Variants in OPA1 observed in about 807,000 individuals in gnomAD.
The protein encoded by OPA1 is dynamin-like GTPase OPA1, mitochondrial.
A neutral mutation model predicts 152.9 loss-of-function variants in OPA1; 59 were observed. The observed-to-expected ratio is 0.39, with a 90% confidence interval of 0.31 to 0.48. The LOEUF (loss-of-function observed/expected upper bound fraction) is 0.48. Among genes scored for constraint, OPA1 ranks in the 20% least tolerant of loss-of-function variants. OPA1 has a pLI of 0.96. For missense variants in OPA1, 1,008 were observed against 1,216.8 expected (o/e 0.83, Z 2.55); for synonymous variants, 400 against 389.9 (o/e 1.03, Z -0.31).
intron 25 of OPA1, among the ~76,000 whole-genome samples, chr3:193,661,408 C>T (rs148111336): frequency 6.6e-6 from 1 of 152,256 alleles, no homozygotes; most frequent in East Asian, 1.9e-4. Context: ...TCAAGCTCTC[C>T]TTCTCTATCC....
chr3:193,654,824 T>C (rs1295083680), intron 21 of OPA1, 38 bp from the exon 22 acceptor site: 5 of 1,596,316 alleles, frequency 3.1e-6, no homozygotes, highest in Admixed American at 3.4e-5. Context: ...AACAATATTA[T>C]ATTTAGATTT....
intron 6 of OPA1, among the ~76,000 whole-genome samples, chr3:193,625,218 T>C (rs1730882231): frequency 1.3e-5 from 2 of 152,178 alleles, no homozygotes; most frequent in East Asian, 1.9e-4. Flanking sequence ...TGTATCAATA[T>C]ACTATTTTAT....
At position 193,647,088 on chromosome 3, in the gene OPA1, A is replaced by G. The variant is rs1489038208; in HGVS notation, c.1778A>G (p.Gln593Arg). 6.2e-7 allele frequency: 1 copy of G among 1,612,598 alleles called. No individual in the cohort carries two copies. The highest frequency in any genetic ancestry group is 1.7e-5 in the Admixed American group (1 of 60,016). ...AGGACAAGCATGCTAAAGGCACACC[A>G]AGTGACTACAAGAAATTTAAGCCTT... Reference protein sequence around the residue: ...LLKTSMLKAHQVTTRNLSLAV... With the variant: ...LLKTSMLKAHRVTTRNLSLAV... The change falls in exon 19 of 31, where the codon CAA becomes CGA. Residue 593 changes from glutamine to arginine, a missense_variant. By Grantham distance (43) the Gln-to-Arg change is conservative. Transcript: ENST00000361510.
rs148834015 is a variant in OPA1 at position 193,645,746 on chromosome 3, T to C, written c.1700T>C (p.Ile567Thr). 71 of 1,613,718 alleles carry C rather than the reference T, an allele frequency of 4.4e-5. No homozygotes were observed. The African/African-American group carries it at 4.9e-4, about 11-fold the overall frequency. The change falls in exon 18 of 31, where the codon ATT (isoleucine) becomes ACT (threonine). Residue 567 changes from isoleucine to threonine, a missense_variant. By Grantham distance (89) the Ile-to-Thr change is moderately conservative (BLOSUM62 -1). Transcript: ENST00000361510. The stretch of plus-strand genomic sequence containing the variant: ...TCCCCAGGGAACAGCTCTGAAAGCA[T>C]TGAAGCTATAAGAGAATATGAAGAA... Reference protein sequence around the residue: ...VTGKGNSSESIEAIREYEEEF... With the variant: ...VTGKGNSSESTEAIREYEEEF...
chr3:193,614,812 A>G lies in OPA1; in HGVS notation c.122A>G (p.Tyr41Cys). Residue 41 changes from tyrosine to cysteine, a missense_variant, in exon 2 of 31, where the codon TAT (tyrosine) becomes TGT (cysteine). By Grantham distance (194) the Tyr-to-Cys change is radical. Transcript: ENST00000361510. ...QKLHLVSRSI[Y>C]HSHHPTLKLQ... The stretch of plus-strand genomic sequence containing the variant: ...CTACATCTGGTTTCACGAAGCATTT[A>G]TCATTCACATCATCCTACCTTAAAG... 6.2e-7 allele frequency: 1 copy of G among 1,606,630 alleles called. No individual in the cohort carries two copies. The highest frequency in any genetic ancestry group is 8.5e-7 in the Non-Finnish European group (1 of 1,173,300).
intron 30 of OPA1, among the ~76,000 whole-genome samples, chr3:193,693,254 A>G (rs962852808): frequency 1.3e-5 from 2 of 152,246 alleles, no homozygotes; most frequent in Non-Finnish European, 2.9e-5. Context: ...ATGGTACATC[A>G]TTCGGAACAG....
At chr3:193,666,524 A>G (rs1313777715) in intron 28 of OPA1, 135 bp downstream of exon 28, 5 of 762,708 alleles carry the variant, frequency 6.6e-6, no homozygotes, top group Non-Finnish European at 1.1e-5. Flanking sequence ...GTGGTAGCTC[A>G]TGCCTGTAAT....
intron 6 of OPA1, among the ~76,000 whole-genome samples, chr3:193,621,424 A>C (rs1320036464): frequency 6.6e-6 from 1 of 152,204 alleles, no homozygotes; most frequent in Non-Finnish European, 1.5e-5. Flanking sequence ...CTGGAGTTTT[A>C]GGTGTCCTGG....
At chr3:193,615,463 T>G (rs1468354921) in intron 2 of OPA1, among the ~76,000 whole-genome samples, 1 of 152,236 alleles carries the variant, frequency 6.6e-6, no homozygotes, top group East Asian at 1.9e-4. Flanking sequence ...AATAGGAGTA[T>G]ATTCTGAATT....
intron 7 of OPA1, among the ~76,000 whole-genome samples, chr3:193,630,067 G>A (rs927277692): frequency 4.6e-5 from 7 of 152,192 alleles, no homozygotes; most frequent in Non-Finnish European, 8.8e-5. Flanking sequence ...CTATTACAGT[G>A]TGATGGCATG....
intron 21 of OPA1, among the ~76,000 whole-genome samples, chr3:193,654,426 G>C (rs1164849142): frequency 6.6e-6 from 1 of 151,828 alleles, no homozygotes; most frequent in African/African-American, 2.4e-5. Flanking sequence ...AGCCCAGGAG[G>C]TTGAGGCTCC....
In OPA1 at chr3:193,615,750, T is replaced by C; in HGVS notation, c.428T>C (p.Ile143Thr). The C allele has an allele frequency of 2.5e-6, 4 of 1,608,264 alleles. No individual in the cohort carries two copies. Among genetic ancestry groups the C allele is most frequent in the Non-Finnish European group, 3.4e-6 (4 of 1,174,750 alleles). The change falls in exon 3 of 31, where the codon ATT becomes ACT. Residue 143 changes from isoleucine to threonine, a missense_variant. By Grantham distance (89) the Ile-to-Thr change is moderately conservative. Coordinates refer to ENST00000361510, the MANE Select transcript of OPA1 (RefSeq NM_130837.3). ...ATTGTGCCTGACATTGTGTGGGAAA[T>C]TGATGAGTATATCGATTTTGGTTTG... ...KWIVPDIVWE[I>T]DEYIDFEKIR... is the part of the protein sequence containing the mutation.
At position 193,593,212 on chromosome 3, in the gene OPA1, T is replaced by C; in HGVS notation, c.-166T>C. On this transcript the variant is annotated 5_prime_UTR_variant, in exon 1 of 31. Transcript: ENST00000361510. ...GACTGAGTACGGGTGCCTGTCAGGC[T>C]CTTGCGGAAGTCCATGCGCCATTGG... is the stretch of plus-strand genomic sequence containing the variant. 1 of 582,072 alleles carries C rather than the reference T, an allele frequency of 1.7e-6. No individual in the cohort carries two copies. Among genetic ancestry groups the C allele is most frequent in the Admixed American group, 3.3e-5 (1 of 30,190 alleles). 36.1% of individuals were successfully genotyped at this position (582,072 alleles called of 1,614,324 possible). A position where few individuals can be genotyped will look rare whatever the true frequency, so the allele number is the denominator to read the frequency against.
chr3:193,655,841 A>G (rs1042171895), intron 22 of OPA1, among the ~76,000 whole-genome samples: 2 of 152,196 alleles, frequency 1.3e-5, no homozygotes, highest in Non-Finnish European at 2.9e-5. Flanking sequence ...CTTGTGTGTG[A>G]GGTTGCTCAC....
chr3:193,690,457 CTG>C (rs1258646661), intron 29 of OPA1, among the ~76,000 whole-genome samples: 1 of 151,702 alleles, frequency 6.6e-6, no homozygotes, highest in Non-Finnish European at 1.5e-5. Context: ...GCCCAGGAGT[CTG>C]AGTCTAGCCT....
intron 1 of OPA1, among the ~76,000 whole-genome samples, chr3:193,596,306 T>C (rs6148254): frequency 1.6e-3 from 170 of 105,212 alleles, no homozygotes; most frequent in African/African-American, 6.3e-3. Flanking sequence ...TTTTCTTTTC[T>C]TTTCCTTTCC....
At chr3:193,687,468 C>T (rs962704165) in intron 29 of OPA1, among the ~76,000 whole-genome samples, 1 of 152,258 alleles carries the variant, frequency 6.6e-6, no homozygotes, top group Admixed American at 6.5e-5. Flanking sequence ...AAATTTTATT[C>T]TTTATTTGTG....
At chr3:193,674,492 A>G (rs563106455) in intron 29 of OPA1, among the ~76,000 whole-genome samples, 1 of 152,244 alleles carries the variant, frequency 6.6e-6, no homozygotes, top group African/African-American at 2.4e-5. Context: ...TTTAAAAGCT[A>G]GGATTAGAAA....
At chr3:193,627,912 A>G (rs1256215361) in intron 7 of OPA1, among the ~76,000 whole-genome samples, 1 of 152,158 alleles carries the variant, frequency 6.6e-6, no homozygotes, top group Non-Finnish European at 1.5e-5. Flanking sequence ...AGCACCAAAC[A>G]TGGCTTGTTT....
Sources: allele counts gnomAD v4.1 joint callset (sites outside exome capture counted in the v4.1 genomes callset), GRCh38; gene constraint gnomAD v4.1.1; transcripts MANE v1.5; gene names NCBI Gene and HGNC (gene_info 2026-07-23, HGNC 2026-07-21).